TOR2A: variants seen among roughly 807,000 people sequenced by gnomAD.
TOR2A encodes the protein torsin family 2 member A.
A neutral mutation model predicts 28.6 loss-of-function variants in TOR2A; 24 were observed. That is an observed-to-expected ratio of 0.84 (90% confidence interval 0.61 to 1.18). The LOEUF is 1.18. Ranked by LOEUF, TOR2A falls within the 50% of genes most tolerant of loss-of-function variation. TOR2A has a pLI of 0.00. For missense variants in TOR2A, 426 were observed against 448.1 expected, an observed-to-expected ratio of 0.95 and a Z score of 0.45; for synonymous variants, 203 against 203.1, an observed-to-expected ratio of 1.00 and a Z score of 0.00.
Position 127,734,417 on chromosome 9 carries a change from G to T in TOR2A, c.299C>A (p.Ser100Tyr). Reference protein sequence around the residue: ...SLHGWTGTGKSYVSSLLAHYL... With the variant: ...SLHGWTGTGKYYVSSLLAHYL... Reference sequence around the variant, plus strand: ...GTGCGCCAGCAGGGAGCTGACATAGGATTTGCCGGTGCCGGTCCAGCCGTG... The same window carrying T: ...GTGCGCCAGCAGGGAGCTGACATAGTATTTGCCGGTGCCGGTCCAGCCGTG... Residue 100 changes from serine to tyrosine, a missense_variant, in exon 2 of 5, where the codon TCC (serine) becomes TAC (tyrosine). Physicochemically the swap from Ser to Tyr is moderately radical, Grantham distance 144. Coordinates refer to ENST00000373284, the MANE Select transcript of TOR2A (RefSeq NM_001085347.3). The T allele has an allele frequency of 6.2e-7, 1 of 1,612,676 alleles. No homozygotes were observed. The highest frequency in any genetic ancestry group is 8.5e-7 in the Non-Finnish European group (1 of 1,179,812).
Position 127,731,679 on chromosome 9 carries a change from A to G in TOR2A, c.*355T>C, listed in dbSNP as rs1588471135. ...GGACACAGGGTGTGGGGTGGAGGGG[A>G]GGAGGTATGGTGCCCGACCAAGGAG... On this transcript the variant is annotated 3_prime_UTR_variant, in exon 5 of 5. Transcript: ENST00000373284. 1.3e-6 allele frequency: 1 copy of G among 796,912 alleles called. No homozygotes were observed. 49.4% of individuals were successfully genotyped at this position (796,912 alleles called of 1,614,324 possible).
chr9:127,733,543 C>A lies in TOR2A; in HGVS notation c.435G>T (p.Trp145Cys), dbSNP rs1347969361. Residue 145 changes from tryptophan (W) to cysteine (C), a missense_variant, in exon 3 of 5, where the codon TGG (tryptophan) becomes TGT (cysteine). By Grantham distance (215) the Trp-to-Cys change is radical. Transcript: ENST00000373284. ...IERYKKDLKS[W>C]VQGNLTACGR... is the part of the protein sequence containing the mutation. Reference sequence around the variant, plus strand: ...CACAGGCAGTGAGGTTCCCTTGGACCCAGCTCTTCAGATCCTTCTGTAGGG... The same window carrying A: ...CACAGGCAGTGAGGTTCCCTTGGACACAGCTCTTCAGATCCTTCTGTAGGG... The A allele has an allele frequency of 6.2e-7, 1 of 1,612,560 alleles. No individual in the cohort carries two copies. Among genetic ancestry groups the A allele is most frequent in the Non-Finnish European group, 8.5e-7 (1 of 1,179,696 alleles).
chr9:127,734,731 C>T (rs183556422), intron 1 of TOR2A, 167 bp from the exon 2 acceptor site: 58 of 821,824 alleles, frequency 7.1e-5, no homozygotes, highest in Non-Finnish European at 9.5e-5. Context: ...GAGCCACCTT[C>T]GGGCCTGATT....
intron 2 of TOR2A, 133 bp downstream of exon 2, chr9:127,734,166 G>T: frequency 8.2e-7 from 1 of 1,225,880 alleles, no homozygotes; most frequent in South Asian, 1.7e-5. Flanking sequence ...GTTCTGTGCA[G>T]GATGGGTCCT....
intron 1 of TOR2A, 96 bp from the exon 2 acceptor site, chr9:127,734,660 T>G: frequency 7.5e-7 from 1 of 1,335,474 alleles, no homozygotes; most frequent in Non-Finnish European, 9.7e-7. Flanking sequence ...TCCTGTGTCC[T>G]TACGTTTGTC....
At position 127,731,870 on chromosome 9, in the gene TOR2A, C is replaced by T. The variant is rs1007288051; in HGVS notation, c.*164G>A. The T allele has an allele frequency of 9.8e-5, 138 of 1,408,514 alleles. No individual in the cohort carries two copies. Among genetic ancestry groups the T allele is most frequent in the Non-Finnish European group, 1.2e-4 (128 of 1,065,140 alleles). The allele number at this position is 1,408,514 out of a possible 1,614,324, so 87.3% of individuals were successfully genotyped here. Reference sequence around the variant, plus strand: ...GGGGAAGGTGGCCGGGGCCAAGATGCTCTCGAGCCAGTTTAGAGGCCAGGG... The same window carrying T: ...GGGGAAGGTGGCCGGGGCCAAGATGTTCTCGAGCCAGTTTAGAGGCCAGGG... On this transcript the variant is annotated 3_prime_UTR_variant, in exon 5 of 5. Transcript: ENST00000373284.
In TOR2A at chr9:127,731,716, G is replaced by A. The variant is rs1174726470; in HGVS notation, c.*318C>T. ...GCCCGACCAAGGAGGCAAGGGGCAA[G>A]GGTGGCAGACTGAGGAGGGAGCACC... On this transcript the variant is annotated 3_prime_UTR_variant, in exon 5 of 5. Coordinates refer to ENST00000373284, the MANE Select transcript of TOR2A (RefSeq NM_001085347.3). The A allele has an allele frequency of 4.4e-6, 3 of 675,144 alleles. No homozygotes were observed. Among genetic ancestry groups the A allele is most frequent in the Non-Finnish European group, 6.9e-6 (3 of 433,114 alleles). 41.8% of individuals were successfully genotyped at this position (675,144 alleles called of 1,614,324 possible).
intron 2 of TOR2A, 28 bp from the exon 3 acceptor site, chr9:127,733,588 G>A (rs763171437): frequency 6.4e-7 from 1 of 1,573,062 alleles, no homozygotes; most frequent in African/African-American, 1.4e-5. Context: ...GAGTTCCAGG[G>A]GAGCTGGAGA....
In TOR2A at chr9:127,732,588, G is replaced by A. The variant is rs201342330; in HGVS notation, c.697C>T (p.Arg233Cys). The stretch of plus-strand genomic sequence containing the variant: ...CGGTGCGGGTTGTCCAGCACCGCGC[G>A]GGAGATGACCGGCTCCAGCTCCTGC... ...LLQELEPVIS[R>C]AVLDNPHHGF... Residue 233 changes from arginine to cysteine, a missense_variant, in exon 4 of 5, where the codon CGC becomes TGC. Arg to Cys is a radical substitution (Grantham distance 180). Coordinates refer to ENST00000373284, the MANE Select transcript of TOR2A (RefSeq NM_001085347.3). 245 of 1,591,034 alleles carry A rather than the reference G, an allele frequency of 1.5e-4. 1 individual carries two copies. Among genetic ancestry groups the A allele is most frequent in the Non-Finnish European group, 1.8e-4 (213 of 1,172,020 alleles).
In TOR2A at chr9:127,735,076, C is replaced by T; in HGVS notation, c.151+44G>A. The T allele has an allele frequency of 3.6e-6, 5 of 1,396,652 alleles. No individual in the cohort carries two copies. In the South Asian group the frequency reaches 7.6e-5, roughly 21 times the overall value. The allele number at this position is 1,396,652 out of a possible 1,614,324, so 86.5% of individuals were successfully genotyped here. A position where few individuals can be genotyped will look rare whatever the true frequency, so the allele number is the denominator to read the frequency against. ...AGGGCTCCCAGCGCTCCCGCGTCTG[C>T]CCGCGTCCGCCCGCCCCTCGCTCCG... On this transcript the variant is annotated intron_variant, in intron 1 of 4. Coordinates refer to ENST00000373284, the MANE Select transcript of TOR2A (RefSeq NM_001085347.3).
chr9:127,732,056 GA>G lies in TOR2A; in HGVS notation c.943del (p.Ser315ProfsTer38). On this transcript the variant is annotated frameshift_variant, in exon 5 of 5. Coordinates refer to ENST00000373284, the MANE Select transcript of TOR2A (RefSeq NM_001085347.3). LOFTEE classifies it high-confidence loss of function. Reference sequence around the variant, plus strand: ...GAGTCAGAGGAAGAAGGCGATTCGGGAGGCCACGGTCTTGCAGCCGTTGGAG... The same window carrying G: ...GAGTCAGAGGAAGAAGGCGATTCGGGGGCCACGGTCTTGCAGCCGTTGGAG... ...FSSNGCKTVA[S>X]RIAFFL 6.2e-7 allele frequency: 1 copy of G among 1,613,766 alleles called. No homozygotes were observed. The highest frequency in any genetic ancestry group is 1.3e-5 in the African/African-American group (1 of 75,076).
At chr9:127,733,251 T>TGGC in intron 3 of TOR2A, 134 bp downstream of exon 3, 1 of 1,611,716 alleles carries the variant, frequency 6.2e-7, no homozygotes, top group South Asian at 1.1e-5. Flanking sequence ...TCTCTGAGAG[T>TGGC]GGCGGAGGGC....
At chr9:127,735,093 C>T (rs773902296) in intron 1 of TOR2A, 27 bp downstream of exon 1, 32 of 1,429,142 alleles carry the variant, frequency 2.2e-5, no homozygotes, top group Non-Finnish European at 2.5e-5. Flanking sequence ...CCGCCCGCCC[C>T]TCGCTCCGGG....
Position 127,734,581 on chromosome 9 carries a change from A to G in TOR2A, c.152-17T>C. 1 of 1,493,080 alleles carries G rather than the reference A, an allele frequency of 6.7e-7. No homozygotes were observed. Among genetic ancestry groups the G allele is most frequent in the Non-Finnish European group, 8.9e-7 (1 of 1,123,344 alleles). 92.5% of individuals were successfully genotyped at this position (1,493,080 alleles called of 1,614,324 possible). On this transcript the variant is annotated splice_polypyrimidine_tract_variant and intron_variant, in intron 1 of 4. Coordinates refer to ENST00000373284, the MANE Select transcript of TOR2A (RefSeq NM_001085347.3). ...ACTCCAGACCTAGGGCCACAGGAGGATGGTGAGGACACATCCCACCGAGGC... is the reference window on the plus strand; with the variant it reads ...ACTCCAGACCTAGGGCCACAGGAGGGTGGTGAGGACACATCCCACCGAGGC...
In TOR2A at chr9:127,731,927, CG is replaced by C; in HGVS notation, c.*106del. 2 of 1,513,286 alleles carry C rather than the reference CG, an allele frequency of 1.3e-6. No individual in the cohort carries two copies. Among genetic ancestry groups the C allele is most frequent in the South Asian group, 1.3e-5 (1 of 74,496 alleles). 93.7% of individuals were successfully genotyped at this position (1,513,286 alleles called of 1,614,324 possible). On this transcript the variant is annotated 3_prime_UTR_variant, in exon 5 of 5. Coordinates refer to ENST00000373284, the MANE Select transcript of TOR2A (RefSeq NM_001085347.3). ...CTGGCCATCTGTCCCGTGGCCTAGC[CG>C]ACACTCCGTTCATCTCACTTGGTGC... is the stretch of plus-strand genomic sequence containing the variant.
chr9:127,732,167 T>C lies in TOR2A; in HGVS notation c.833A>G (p.Gln278Arg). 1 of 1,613,482 alleles carries C rather than the reference T, an allele frequency of 6.2e-7. No individual in the cohort carries two copies. Among genetic ancestry groups the C allele is most frequent in the Non-Finnish European group, 8.5e-7 (1 of 1,179,990 alleles). Residue 278 changes from glutamine to arginine, a missense_variant, in exon 5 of 5, where the codon CAG becomes CGG. Gln to Arg is a conservative substitution (Grantham distance 43). Transcript: ENST00000373284. ...CTCATCCCTTGGCTCCAGGCCCAGC[T>C]GGGCCAGCTCGTTGAGCACGCAGTG... Reference protein sequence around the residue: ...VRHCVLNELAQLGLEPRDEVV... With the variant: ...VRHCVLNELARLGLEPRDEVV...
chr9:127,733,236 T>C (rs1300418754), intron 3 of TOR2A, 149 bp downstream of exon 3: 10 of 1,609,454 alleles, frequency 6.2e-6, no homozygotes, highest in Admixed American at 1.7e-5. Context: ...GGAATGACAA[T>C]GTCATCTCTG....
At chr9:127,735,049 C>T in intron 1 of TOR2A, 71 bp downstream of exon 1, 17 of 1,366,886 alleles carry the variant, frequency 1.2e-5, no homozygotes, top group Non-Finnish European at 1.5e-5. Flanking sequence ...AGCCGGGCTC[C>T]CAGGGCTCCC....
At chr9:127,734,636 A>G (rs537286614) in intron 1 of TOR2A, 72 bp from the exon 2 acceptor site, 81 of 1,403,114 alleles carry the variant, frequency 5.8e-5, no homozygotes, top group Non-Finnish European at 3.7e-6. Flanking sequence ...CATGTCTGGA[A>G]CCTGGTCTGG....
Sources: gnomAD v4.1 joint callset for allele counts on GRCh38, gnomAD v4.1.1 for gene constraint, MANE v1.5 for transcripts, NCBI Gene and HGNC (gene_info 2026-07-23, HGNC 2026-07-21) for gene names.